The following OTUD7A variants were observed in gnomAD, a reference collection of about 807,000 sequenced individuals.
The protein encoded by OTUD7A is OTU domain-containing protein 7A.
A neutral mutation model predicts 65.7 loss-of-function variants in OTUD7A; 12 were observed. The observed-to-expected ratio is 0.18, with a 90% CI of 0.12 to 0.30. OTUD7A has a LOEUF of 0.30. Among genes scored for constraint, OTUD7A ranks in the 10% least tolerant of loss-of-function variants. OTUD7A has a pLI of 1.00. For missense variants in OTUD7A, 1,148 were observed against 1,304.8 expected (o/e 0.88, Z 1.85); for synonymous variants, 641 against 586.3 (o/e 1.09, Z -1.35).
intron 1 of OTUD7A, among the ~76,000 whole-genome samples, chr15:31,838,067 C>T (rs1897098185): frequency 6.6e-6 from 1 of 152,042 alleles, no homozygotes; most frequent in Admixed American, 6.5e-5. Flanking sequence ...AATTGCACAT[C>T]CATAAGCAAA....
At chr15:31,627,608 T>G (rs2141244980) in intron 3 of OTUD7A, among the ~76,000 whole-genome samples, 1 of 152,246 alleles carries the variant, frequency 6.6e-6, no homozygotes, top group East Asian at 1.9e-4. Context: ...ATGTACCCAG[T>G]AATGGGATGG....
At chr15:31,800,316 T>C (rs1161876571) in intron 1 of OTUD7A, among the ~76,000 whole-genome samples, 3 of 152,126 alleles carry the variant, frequency 2.0e-5, no homozygotes, top group Non-Finnish European at 4.4e-5. Flanking sequence ...TGTACTCTTG[T>C]ACCTGAGGGT....
intron 9 of OTUD7A, among the ~76,000 whole-genome samples, chr15:31,502,884 C>A (rs895080060): frequency 3.3e-5 from 5 of 152,224 alleles, no homozygotes; most frequent in African/African-American, 1.2e-4. Context: ...ACCATCGTGG[C>A]CACATCAGAT....
intron 1 of OTUD7A, among the ~76,000 whole-genome samples, chr15:31,807,980 C>T (rs8034249): frequency 0.61 from 92,195 of 151,712 alleles, 28,181 homozygotes; most frequent in East Asian, 0.69. Context: ...CCAGTTTCGT[C>T]TGTCAGTTGA....
chr15:31,819,444 T>C (rs1385357430), intron 1 of OTUD7A, among the ~76,000 whole-genome samples: 3 of 152,196 alleles, frequency 2.0e-5, no homozygotes, highest in Non-Finnish European at 2.9e-5. Context: ...TAGACCTGCA[T>C]TTATTAATGC....
At chr15:31,842,621 A>G (rs926890442) in intron 1 of OTUD7A, among the ~76,000 whole-genome samples, 16 of 133,598 alleles carry the variant, frequency 1.2e-4, no homozygotes, top group Non-Finnish European at 2.2e-4. Context: ...ATGCTATTTA[A>G]CAATATCACA....
At chr15:31,675,777 T>G (rs1892582768) in intron 1 of OTUD7A, among the ~76,000 whole-genome samples, 1 of 152,342 alleles carries the variant, frequency 6.6e-6, no homozygotes, top group Middle Eastern at 3.4e-3. Context: ...TATTTCATAA[T>G]AGCCAACCAA....
intron 3 of OTUD7A, among the ~76,000 whole-genome samples, chr15:31,645,732 G>A (rs1891642369): frequency 6.6e-6 from 1 of 152,164 alleles, no homozygotes; most frequent in Non-Finnish European, 1.5e-5. Flanking sequence ...CATTATCACT[G>A]TTTGACAGAT....
intron 1 of OTUD7A, among the ~76,000 whole-genome samples, chr15:31,820,490 T>C (rs996567535): frequency 6.6e-6 from 1 of 152,242 alleles, no homozygotes; most frequent in Non-Finnish European, 1.5e-5. Flanking sequence ...ATGGTCAACA[T>C]ATACAGTGTG....
chr15:31,855,323 T>C (rs763706927), intron 1 of OTUD7A, among the ~76,000 whole-genome samples: 4 of 152,226 alleles, frequency 2.6e-5, no homozygotes, highest in Non-Finnish European at 5.9e-5. Flanking sequence ...AATATCTCTA[T>C]ATAGTTTTAA....
intron 1 of OTUD7A, among the ~76,000 whole-genome samples, chr15:31,808,413 G>C (rs1037364925): frequency 6.6e-6 from 1 of 152,078 alleles, no homozygotes; most frequent in Non-Finnish European, 1.5e-5. Context: ...CATGAGCCGC[G>C]ACAAGCTTCT....
chr15:31,544,960 C>A (rs1888087551), intron 5 of OTUD7A, among the ~76,000 whole-genome samples: 1 of 151,004 alleles, frequency 6.6e-6, no homozygotes, highest in Non-Finnish European at 1.5e-5. Context: ...ATTCTTTGAC[C>A]ACAGAAGAAT....
intron 1 of OTUD7A, among the ~76,000 whole-genome samples, chr15:31,730,659 A>G (rs568201653): frequency 6.6e-6 from 1 of 152,326 alleles, no homozygotes; most frequent in Non-Finnish European, 1.5e-5. Context: ...AGTTGGGTGG[A>G]GATGACCTAG....
At chr15:31,548,769 A>G (rs142616140) in intron 5 of OTUD7A, among the ~76,000 whole-genome samples, 24 of 152,266 alleles carry the variant, frequency 1.6e-4, no homozygotes, top group Middle Eastern at 3.4e-3. Flanking sequence ...CTGATTGTCA[A>G]AAGAGCCCAA....
intron 1 of OTUD7A, among the ~76,000 whole-genome samples, chr15:31,760,413 T>G (rs1213819904): frequency 6.6e-6 from 1 of 152,230 alleles, no homozygotes; most frequent in African/African-American, 2.4e-5. Context: ...CAACAATCTT[T>G]GAAGATTTAT....
chr15:31,569,902 A>T, intron 4 of OTUD7A, 116 bp downstream of exon 4: 2 of 1,100,542 alleles, frequency 1.8e-6, no homozygotes, highest in East Asian at 2.5e-5. Flanking sequence ...TGAGAGGCCA[A>T]TATGTCTGCA....
chr15:31,835,634 T>C (rs1394427854), intron 1 of OTUD7A, among the ~76,000 whole-genome samples: 1 of 152,182 alleles, frequency 6.6e-6, no homozygotes, highest in Non-Finnish European at 1.5e-5. Flanking sequence ...TAAATATAGA[T>C]ATTTCACATA....
chr15:31,577,142 G>A (rs796705523), intron 3 of OTUD7A, among the ~76,000 whole-genome samples: 47 of 152,042 alleles, frequency 3.1e-4, no homozygotes, highest in African/African-American at 1.1e-3. Flanking sequence ...TTTTTAAATG[G>A]CTCTGCAAAG....
chr15:31,844,323 A>G (rs1219548327), intron 1 of OTUD7A, among the ~76,000 whole-genome samples: 1 of 152,184 alleles, frequency 6.6e-6, no homozygotes, highest in Non-Finnish European at 1.5e-5. Flanking sequence ...TGACCAGCAT[A>G]GTGAAACCCC....
Sources: allele counts gnomAD v4.1 joint callset (sites outside exome capture counted in the v4.1 genomes callset), GRCh38; gene constraint gnomAD v4.1.1; transcripts MANE v1.5; gene names NCBI Gene and HGNC (gene_info 2026-07-23, HGNC 2026-07-21).